Variants in N4BP2L2 observed in about 807,000 individuals in gnomAD.
The protein encoded by N4BP2L2 is NEDD4-binding protein 2-like 2.
N4BP2L2 carries 50 observed loss-of-function variants against 56.2 expected under a neutral mutation model. That is an observed-to-expected ratio of 0.89 (90% confidence interval 0.71 to 1.13). The LOEUF is 1.13. Ranked by LOEUF, N4BP2L2 falls within the 50% of genes most tolerant of loss-of-function variation. The pLI, the probability that N4BP2L2 is intolerant of heterozygous loss-of-function variation, is 0.00. For missense variants in N4BP2L2, 689 were observed against 693.8 expected, an observed-to-expected ratio of 0.99 and a Z score of 0.08; for synonymous variants, 203 against 223.6, an observed-to-expected ratio of 0.91 and a Z score of 0.82.
At chr13:32,491,280 CATG>C (rs1566117809) in intron 6 of N4BP2L2, among the ~76,000 whole-genome samples, 1 of 151,998 alleles carries the variant, frequency 6.6e-6, no homozygotes, top group African/African-American at 2.4e-5. Flanking sequence ...ATTACATGCT[CATG>C]ATGAATTACA....
intron 7 of N4BP2L2, among the ~76,000 whole-genome samples, chr13:32,439,651 G>A (rs533312932): frequency 1.4e-4 from 21 of 152,164 alleles, no homozygotes; most frequent in African/African-American, 4.8e-4. Flanking sequence ...TAAAGCTCCC[G>A]AAAGCAAAAG....
intron 6 of N4BP2L2, among the ~76,000 whole-genome samples, chr13:32,500,543 C>T (rs2089771199): frequency 2.0e-5 from 2 of 97,702 alleles, no homozygotes; most frequent in Admixed American, 1.3e-4. Context: ...GATCCTGTCT[C>T]TACAAAAAAA....
At chr13:32,534,542 TTCA>T (rs1000158592) in intron 2 of N4BP2L2, among the ~76,000 whole-genome samples, 1 of 152,154 alleles carries the variant, frequency 6.6e-6, no homozygotes, top group Admixed American at 6.6e-5. Flanking sequence ...GAGGTGAAAT[TTCA>T]TCTTCTCTAC....
intron 4 of N4BP2L2, 137 bp from the exon 5 acceptor site, chr13:32,521,586 T>C (rs534025108): frequency 4.9e-6 from 3 of 609,670 alleles, no homozygotes; most frequent in Non-Finnish European, 8.7e-6. Context: ...TAAAATAATA[T>C]GGTTTATAAC....
exon 6 of N4BP2L2, chr13:32,513,397 AC>A (rs2048547801): frequency 1.3e-5 from 2 of 152,302 alleles, no homozygotes; most frequent in African/African-American, 4.8e-5. Context: ...ATTTACTACT[AC>A]TTCTTACCAG....
At chr13:32,534,373 T>G (rs1251586113) in intron 2 of N4BP2L2, among the ~76,000 whole-genome samples, 1 of 152,184 alleles carries the variant, frequency 6.6e-6, no homozygotes, top group Non-Finnish European at 1.5e-5. Context: ...TTTTCTTCCT[T>G]AGGTTTCTTC....
intron 5 of N4BP2L2, among the ~76,000 whole-genome samples, chr13:32,519,107 A>G (rs958176916): frequency 6.6e-6 from 1 of 152,182 alleles, no homozygotes; most frequent in African/African-American, 2.4e-5. Context: ...CAAAAAAGAT[A>G]GAAGAAAAAA....
rs1276814853 is a variant in N4BP2L2, at chr13:32,536,177, C to CTGGGAAGAGTTTGACCTATGTAGT, written c.850_851insACTACATAGGTCAAACTCTTCCCA (p.Pro283_Ser284insAsnTyrIleGlyGlnThrLeuPro). ...CTGAATGTTTAAATGATAGTTCAAACTGGGAAGAGGGGGACCATAGGGCAC... is the reference window on the plus strand; with the variant it reads ...CTGAATGTTTAAATGATAGTTCAAACTGGGAAGAGTTTGACCTATGTAGTTGGGAAGAGGGGGACCATAGGGCAC... On this transcript the variant is annotated inframe_insertion, in exon 2 of 6. Coordinates refer to ENST00000267068, the Ensembl canonical transcript of N4BP2L2. 245 of 1,613,966 alleles carry CTGGGAAGAGTTTGACCTATGTAGT rather than the reference C, an allele frequency of 1.5e-4. 1 individual carries two copies. The highest frequency in any genetic ancestry group is 2.0e-4 in the Non-Finnish European group (241 of 1,180,020).
intron 6 of N4BP2L2, among the ~76,000 whole-genome samples, chr13:32,484,001 A>G (rs890025894): frequency 1.3e-5 from 2 of 151,474 alleles, no homozygotes; most frequent in Non-Finnish European, 2.9e-5. Context: ...AAAAAAAAAA[A>G]AAAAGAAAAG....
chr13:32,530,461 C>T (rs922111403), intron 2 of N4BP2L2, among the ~76,000 whole-genome samples: 4 of 152,150 alleles, frequency 2.6e-5, no homozygotes, highest in Admixed American at 6.5e-5. Flanking sequence ...AAGTCAGGTA[C>T]TAAAATGGAT....
intron 6 of N4BP2L2, among the ~76,000 whole-genome samples, chr13:32,469,509 C>A (rs551996435): frequency 4.1e-4 from 63 of 152,330 alleles, no homozygotes; most frequent in Non-Finnish European, 6.5e-4. Flanking sequence ...TGGTTGCAGG[C>A]TCACCCAGTG....
chr13:32,491,636 T>TA (rs1491304342), intron 6 of N4BP2L2, among the ~76,000 whole-genome samples: 549 of 51,722 alleles, frequency 0.011, 2 homozygotes, highest in African/African-American at 0.024. Flanking sequence ...TATATATATA[T>TA]TTTTTTTTTT....
At chr13:32,442,666 G>A in exon 7 of N4BP2L2, 2 of 1,613,830 alleles carry the variant, frequency 1.2e-6, no homozygotes, top group South Asian at 1.1e-5. Flanking sequence ...ACCTACTCTT[G>A]TCTGAGATTC....
chr13:32,517,485 G>C, exon 6 of N4BP2L2: 1 of 1,052,256 alleles, frequency 9.5e-7, no homozygotes, highest in Non-Finnish European at 1.1e-6. Flanking sequence ...CTGTTCAATA[G>C]TGTCTATAAA....
intron 6 of N4BP2L2, among the ~76,000 whole-genome samples, chr13:32,462,696 T>A (rs2080358673): frequency 6.6e-6 from 1 of 151,880 alleles, no homozygotes; most frequent in African/African-American, 2.4e-5. Context: ...AGACATTCTA[T>A]GCATGTAACA....
intron 2 of N4BP2L2, among the ~76,000 whole-genome samples, chr13:32,527,963 G>T (rs922778336): frequency 7.9e-5 from 12 of 151,902 alleles, no homozygotes; most frequent in African/African-American, 2.9e-4. Context: ...GTACAGACAG[G>T]GTTTCACCAT....
chr13:32,512,002 A>G (rs1482945000), exon 6 of N4BP2L2: 1 of 152,314 alleles, frequency 6.6e-6, no homozygotes, highest in Admixed American at 6.5e-5. Flanking sequence ...CTGTATAATT[A>G]TTATAATTAC....
At chr13:32,499,157 G>A (rs1385349325) in intron 6 of N4BP2L2, among the ~76,000 whole-genome samples, 1 of 152,044 alleles carries the variant, frequency 6.6e-6, no homozygotes, top group Non-Finnish European at 1.5e-5. Context: ...ACTAGGCTTA[G>A]GCACCAACTC....
intron 6 of N4BP2L2, among the ~76,000 whole-genome samples, chr13:32,481,326 C>T (rs1459804499): frequency 6.6e-6 from 1 of 152,028 alleles, no homozygotes; most frequent in Admixed American, 6.6e-5. Flanking sequence ...CACAGCCTCC[C>T]ACTATCTGCC....
Sources: allele counts gnomAD v4.1 joint callset (sites outside exome capture counted in the v4.1 genomes callset), GRCh38; gene constraint gnomAD v4.1.1; transcripts MANE v1.5; gene names NCBI Gene and HGNC (gene_info 2026-07-23, HGNC 2026-07-21).